The following TRAK2 variants were observed in gnomAD, a reference collection of about 807,000 sequenced individuals.
TRAK2 encodes the protein trafficking kinesin protein 2.
Under a neutral mutation model 104.6 loss-of-function variants are expected in TRAK2, and 81 were observed. The ratio of observed to expected loss-of-function variants is 0.77; its 90% CI spans 0.65 to 0.93. The LOEUF (loss-of-function observed/expected upper bound fraction) is 0.93, where lower values mean the gene tolerates loss of function less well. TRAK2 is among the 40% of genes least tolerant of loss of function. The pLI, the probability that TRAK2 is intolerant of heterozygous loss-of-function variation, is 0.00. For synonymous variants in TRAK2, 406 were observed against 394.4 expected (o/e 1.03, Z -0.35); for missense variants, 1,002 against 1,089.0 (o/e 0.92, Z 1.12).
intron 1 of TRAK2, among the ~76,000 whole-genome samples, chr2:201,442,276 A>C (rs905999561): frequency 6.6e-6 from 1 of 151,686 alleles, no homozygotes; most frequent in Non-Finnish European, 1.5e-5. Flanking sequence ...CTGTAGTCCC[A>C]GCTACTCGGG....
In TRAK2 at chr2:201,380,878, C is replaced by A. The variant is rs1406974717; in HGVS notation, c.2410G>T (p.Ala804Ser). ...AGGAATGTCTCAGCTGGTCGAGAGG[C>A]CAAAAAATTTTCAGAGAGATGCACT... The part of the protein sequence containing the change: ...PRVHLSENFL[A>S]SRPAETFLQE... The change falls in exon 16 of 16, where the codon GCC becomes TCC. Residue 804 changes from alanine (A) to serine (S), a missense_variant. By Grantham distance (99) the Ala-to-Ser change is moderately conservative (BLOSUM62 1). Coordinates refer to ENST00000332624, the MANE Select transcript of TRAK2 (RefSeq NM_015049.3). 6.2e-7 allele frequency: 1 copy of A among 1,613,820 alleles called. No homozygotes were observed. Among genetic ancestry groups the A allele is most frequent in the African/African-American group, 1.3e-5 (1 of 74,948 alleles).
chr2:201,393,053 G>A lies in TRAK2; in HGVS notation c.976-7C>T, dbSNP rs1322993767. 2 of 1,607,740 alleles carry A rather than the reference G, an allele frequency of 1.2e-6. No homozygotes were observed. The highest frequency in any genetic ancestry group is 2.7e-5 in the African/African-American group (2 of 74,694). ...TGTCTTGTAACTCGTGCAGCTAAAA[G>A]AAAGGATGGTAGTGTACTTTATTGC... On this transcript the variant is annotated splice_region_variant and splice_polypyrimidine_tract_variant and intron_variant, in intron 9 of 15. Coordinates refer to ENST00000332624, the MANE Select transcript of TRAK2 (RefSeq NM_015049.3).
chr2:201,416,928 G>C (rs1178429968), intron 2 of TRAK2, among the ~76,000 whole-genome samples: 2 of 151,928 alleles, frequency 1.3e-5, no homozygotes, highest in African/African-American at 4.8e-5. Flanking sequence ...TAGGAGTACA[G>C]TAGACTCAAC....
intron 1 of TRAK2, among the ~76,000 whole-genome samples, chr2:201,437,046 C>G (rs1482900638): frequency 1.3e-5 from 2 of 152,068 alleles, no homozygotes; most frequent in African/African-American, 2.4e-5. Context: ...TTTTCAAAAC[C>G]AGTTGTCACA....
chr2:201,392,977 C>G lies in TRAK2; in HGVS notation c.1045G>C (p.Glu349Gln). The G allele has an allele frequency of 1.2e-6, 2 of 1,613,712 alleles. No homozygotes were observed. Among genetic ancestry groups the G allele is most frequent in the Non-Finnish European group, 1.7e-6 (2 of 1,179,822 alleles). The change falls in exon 10 of 16, where the codon GAA becomes CAA. Residue 349 changes from glutamate (E) to glutamine (Q), a missense_variant. Coordinates refer to ENST00000332624, the MANE Select transcript of TRAK2 (RefSeq NM_015049.3). ...GTAGGGCCAGATCTACTACGAAGTT[C>G]CTTTATTTCTTCTTGGGATTCATGT... ...MLHESQEEIK[E>Q]LRSRSGPTAH...
At chr2:201,408,877 T>C (rs1250971293) in intron 2 of TRAK2, among the ~76,000 whole-genome samples, 2 of 152,244 alleles carry the variant, frequency 1.3e-5, no homozygotes, top group African/African-American at 4.8e-5. Context: ...CATTAAATTT[T>C]TTTAAAAATT....
Position 201,381,075 on chromosome 2 carries a change from G to C in TRAK2, c.2213C>G (p.Thr738Ser). Residue 738 changes from threonine (T) to serine (S), a missense_variant, in exon 16 of 16, where the codon ACC becomes AGC. Transcript: ENST00000332624. ...TTGTAGAAGTTTGGCCAAGCTCATG[G>C]TGCTACTGAAGGTTGTAGTGGAATC... ...RRDSTTTFSS[T>S]MSLAKLLQER... 6.2e-7 allele frequency: 1 copy of C among 1,614,112 alleles called. No homozygotes were observed. Among genetic ancestry groups the C allele is most frequent in the South Asian group, 1.1e-5 (1 of 91,076 alleles).
intron 2 of TRAK2, chr2:201,412,936 A>G (rs1951660659): frequency 2.6e-6 from 2 of 777,452 alleles, no homozygotes; most frequent in Admixed American, 1.8e-5. Flanking sequence ...AACACTGGCT[A>G]AACTGGCAAA....
chr2:201,431,937 A>T (rs551222505), intron 1 of TRAK2, among the ~76,000 whole-genome samples: 1 of 152,350 alleles, frequency 6.6e-6, no homozygotes, highest in African/African-American at 2.4e-5. Context: ...TAATAGTAGC[A>T]GCTACCTCAG....
intron 3 of TRAK2, among the ~76,000 whole-genome samples, chr2:201,406,912 T>G (rs973171101): frequency 6.6e-6 from 1 of 152,220 alleles, no homozygotes; most frequent in South Asian, 2.1e-4. Context: ...TGAAGATTAC[T>G]ATATAGGGTA....
At chr2:201,421,516 C>T (rs541825642) in intron 1 of TRAK2, among the ~76,000 whole-genome samples, 1 of 152,298 alleles carries the variant, frequency 6.6e-6, no homozygotes, top group South Asian at 2.1e-4. Context: ...TCCCCAGACC[C>T]TCTCCAGCTT....
rs1459951392 is a variant in TRAK2 at position 201,379,943 on chromosome 2, A to G, written c.*600T>C. On this transcript the variant is annotated 3_prime_UTR_variant, in exon 16 of 16. Coordinates refer to ENST00000332624, the MANE Select transcript of TRAK2 (RefSeq NM_015049.3). Reference sequence around the variant, plus strand: ...AAGGCCTGAAAACAGAAAGGAAAATAGGAGTCTCCACCTGTGATTCAATGA... The same window carrying G: ...AAGGCCTGAAAACAGAAAGGAAAATGGGAGTCTCCACCTGTGATTCAATGA... The G allele has an allele frequency of 6.6e-6, 1 of 152,350 alleles. No homozygotes were observed. Among genetic ancestry groups the G allele is most frequent in the Non-Finnish European group, 1.5e-5 (1 of 68,174 alleles). The allele number at this position is 152,350 out of a possible 1,614,324, so 9.4% of individuals were successfully genotyped here. A position where few individuals can be genotyped will look rare whatever the true frequency, so the allele number is the denominator to read the frequency against.
intron 1 of TRAK2, among the ~76,000 whole-genome samples, chr2:201,433,847 C>A (rs1232019743): frequency 6.6e-6 from 1 of 152,250 alleles, no homozygotes; most frequent in African/African-American, 2.4e-5. Context: ...TCCACTTTAA[C>A]AACAATCCTC....
intron 2 of TRAK2, chr2:201,413,098 G>T: frequency 1.0e-6 from 1 of 992,680 alleles, no homozygotes; most frequent in Non-Finnish European, 1.6e-6. Flanking sequence ...TTTGATATTT[G>T]TCAATCATTT....
chr2:201,449,651 A>ATTT (rs1165373025), intron 1 of TRAK2, among the ~76,000 whole-genome samples: 2 of 135,750 alleles, frequency 1.5e-5, no homozygotes, highest in South Asian at 2.4e-4. Flanking sequence ...TGCCTGGCTA[A>ATTT]TTTTTTTTTT....
intron 1 of TRAK2, among the ~76,000 whole-genome samples, chr2:201,435,148 C>T (rs1951872161): frequency 6.6e-6 from 1 of 152,176 alleles, no homozygotes; most frequent in South Asian, 2.1e-4. Context: ...CCTTCGCCTC[C>T]TGGGCTCAAG....
chr2:201,439,324 T>C (rs891955971), intron 1 of TRAK2, among the ~76,000 whole-genome samples: 2 of 152,126 alleles, frequency 1.3e-5, no homozygotes, highest in Non-Finnish European at 2.9e-5. Flanking sequence ...ACTCTGAAGG[T>C]GCAAACATTC....
intron 1 of TRAK2, among the ~76,000 whole-genome samples, chr2:201,434,534 A>G (rs750182927): frequency 2.0e-5 from 3 of 152,062 alleles, no homozygotes; most frequent in East Asian, 1.9e-4. Flanking sequence ...CATAAAGTTC[A>G]TAAGTTTCAA....
rs567588034 is a variant in TRAK2 at position 201,429,795 on chromosome 2, C to T, written c.-199-9089G>A. Among the ~76,000 whole-genome samples the T allele has an allele frequency of 1.7e-3, 254 of 152,238 alleles. 1 individual carries two copies. Among genetic ancestry groups the T allele is most frequent in the South Asian group, 5.2e-3 (25 of 4,820 alleles). The stretch of plus-strand genomic sequence containing the variant: ...TTTTTCAAGGTTTTTAGCTTCTTTG[C>T]GATGGGTTCAAACATCTTCCTTTAG... On this transcript the variant is annotated intron_variant, in intron 1 of 15. Coordinates refer to ENST00000332624, the MANE Select transcript of TRAK2 (RefSeq NM_015049.3).
Sources: allele counts gnomAD v4.1 joint callset (sites outside exome capture counted in the v4.1 genomes callset), GRCh38; gene constraint gnomAD v4.1.1; transcripts MANE v1.5; gene names NCBI Gene and HGNC (gene_info 2026-07-23, HGNC 2026-07-21).